Variants in C19orf44 observed in about 807,000 individuals in gnomAD.
C19orf44 encodes uncharacterized protein C19orf44.
C19orf44 carries 43 observed loss-of-function variants against 50.7 expected under a neutral mutation model. That is an observed-to-expected ratio of 0.85 (90% CI 0.66 to 1.09). The LOEUF (loss-of-function observed/expected upper bound fraction) is 1.09. Among genes scored for constraint, C19orf44 ranks in the 50% least tolerant of loss-of-function variants. The probability of loss-of-function intolerance (pLI) is 0.00; values close to 1 mark genes in which losing one functional copy is unlikely to be tolerated. For missense variants in C19orf44, 722 were observed against 836.2 expected (o/e 0.86, Z 1.68); for synonymous variants, 298 against 334.7 (o/e 0.89, Z 1.20).
rs2085600350 is a variant in C19orf44, at chr19:16,520,403, G to A, written c.*350G>A. ...GGAGTAGGAACGGGAGCAGGAGCGC[G>A]ACCTTGACCTTGAGTACGAGCCTGA... On this transcript the variant is annotated 3_prime_UTR_variant, in exon 9 of 9. Transcript: ENST00000221671. The surrounding 1 kb of genome is among the most constrained non-coding windows in gnomAD (Gnocchi z 4.0). The A allele has an allele frequency of 6.2e-7, 1 of 1,614,008 alleles. No homozygotes were observed. Among genetic ancestry groups the A allele is most frequent in the Non-Finnish European group, 8.5e-7 (1 of 1,180,032 alleles).
At chr19:16,505,614 G>A (rs191752275) in intron 3 of C19orf44, among the ~76,000 whole-genome samples, 23 of 152,314 alleles carry the variant, frequency 1.5e-4, no homozygotes, top group African/African-American at 3.8e-4. Flanking sequence ...AGCTGAGTCA[G>A]TCTGTCCCCA....
chr19:16,517,388 G>A, intron 8 of C19orf44, 47 bp downstream of exon 8: 2 of 1,344,536 alleles, frequency 1.5e-6, no homozygotes, highest in Non-Finnish European at 2.1e-6. Context: ...CACAAACATA[G>A]AGCTCATCAG....
chr19:16,504,655 A>T (rs1351685263), intron 3 of C19orf44, among the ~76,000 whole-genome samples: 1 of 151,724 alleles, frequency 6.6e-6, no homozygotes, highest in Non-Finnish European at 1.5e-5. Flanking sequence ...GCTGGGGTGC[A>T]GTGGCGTGAT....
chr19:16,512,460 G>A (rs997520429), intron 5 of C19orf44, among the ~76,000 whole-genome samples: 1 of 152,122 alleles, frequency 6.6e-6, no homozygotes, highest in South Asian at 2.1e-4. Context: ...CTCGACTGCA[G>A]CCACCGTGAG....
Position 16,519,339 on chromosome 19 carries a change from T to C in C19orf44, c.*41-755T>C, listed in dbSNP as rs749130670. 6.2e-6 allele frequency: 10 copies of C among 1,611,856 alleles called. No individual in the cohort carries two copies. Among genetic ancestry groups the C allele is most frequent in the Non-Finnish European group, 8.5e-6 (10 of 1,179,668 alleles). On this transcript the variant is annotated intron_variant, in intron 8 of 8. Transcript: ENST00000221671. This position sits in a 1 kb window ranked among gnomAD's most constrained non-coding sequence, Gnocchi z 6.0. ...CTTGCTCCTTCGCACCGAGGCCGCC[T>C]GAGCCGCTCCAGCCTGGAAACAGAG...
chr19:16,511,201 T>A, intron 5 of C19orf44, among the ~76,000 whole-genome samples: 1 of 152,032 alleles, frequency 6.6e-6, no homozygotes, highest in East Asian at 1.9e-4. Context: ...CACGCCCAGA[T>A]AATTTTTGTA....
intron 3 of C19orf44, among the ~76,000 whole-genome samples, chr19:16,505,588 C>CTATG (rs1189518461): frequency 2.0e-5 from 3 of 152,208 alleles, no homozygotes; most frequent in African/African-American, 7.2e-5. Context: ...TGGCTGCTTT[C>CTATG]ACACTATGAC....
chr19:16,514,455 G>A lies in C19orf44; in HGVS notation c.1736-42G>A, dbSNP rs367801927. 3.6e-4 allele frequency: 548 copies of A among 1,535,064 alleles called. 2 individuals carry two copies. In the African/African-American group the frequency reaches 5.0e-3, roughly 14 times the overall value. On this transcript the variant is annotated intron_variant, in intron 6 of 8. Coordinates refer to ENST00000221671, the MANE Select transcript of C19orf44 (RefSeq NM_032207.4). Reference sequence around the variant, plus strand: ...GTGGGGGGGGGGCTGCAGAATTTGTGGGGCCCCAGCGAAGCCACCGAGTAA... The same window carrying A: ...GTGGGGGGGGGGCTGCAGAATTTGTAGGGCCCCAGCGAAGCCACCGAGTAA...
Position 16,519,180 on chromosome 19 carries a change from C to T in C19orf44, c.*41-914C>T, listed in dbSNP as rs1409307956. ...GCGCCTACTTACACTCGTCCCTGGC[C>T]TTCATGCGGGCGATGAAGGAGTAGC... On this transcript the variant is annotated intron_variant, in intron 8 of 8. Transcript: ENST00000221671. This position sits in a 1 kb window ranked among gnomAD's most constrained non-coding sequence, Gnocchi z 6.0. The T allele has an allele frequency of 6.2e-7, 1 of 1,613,834 alleles. No individual in the cohort carries two copies. Among genetic ancestry groups the T allele is most frequent in the Admixed American group, 1.7e-5 (1 of 60,000 alleles).
intron 8 of C19orf44, chr19:16,518,933 C>T: frequency 1.8e-6 from 1 of 567,332 alleles, no homozygotes; most frequent in Non-Finnish European, 3.1e-6. Flanking sequence ...GCCCTGGTGG[C>T]TGCAGCGCCT....
At chr19:16,515,052 C>CT (rs1269016563) in intron 7 of C19orf44, among the ~76,000 whole-genome samples, 2 of 152,190 alleles carry the variant, frequency 1.3e-5, no homozygotes, top group African/African-American at 2.4e-5. Context: ...ACCCTCACCT[C>CT]TTTTTTTACC....
intron 3 of C19orf44, among the ~76,000 whole-genome samples, chr19:16,505,818 A>T (rs1396221456): frequency 1.3e-5 from 2 of 151,942 alleles, no homozygotes. Context: ...AGTGGCTGGG[A>T]CTACAGGCAC....
At position 16,519,111 on chromosome 19, in the gene C19orf44, C is replaced by G; in HGVS notation, c.*41-983C>G. On this transcript the variant is annotated intron_variant, in intron 8 of 8. Transcript: ENST00000221671. The surrounding 1 kb of genome is among the most constrained non-coding windows in gnomAD (Gnocchi z 6.0). ...TCCTCTGCCAGTCAGCCAGGAAGGT[C>G]CCACAGCCGGCACCGCTGGCCACCG... is the stretch of plus-strand genomic sequence containing the variant. The G allele has an allele frequency of 6.5e-7, 1 of 1,548,526 alleles. No individual in the cohort carries two copies. The highest frequency in any genetic ancestry group is 8.8e-7 in the Non-Finnish European group (1 of 1,137,342).
At chr19:16,514,437 G>GC (rs543875327) in intron 6 of C19orf44, 60 bp from the exon 7 acceptor site, 3 of 1,482,922 alleles carry the variant, frequency 2.0e-6, no homozygotes, top group South Asian at 2.6e-5. Context: ...GCGGTGGGGG[G>GC]GGGGCTGCAG....
At chr19:16,498,021 C>T (rs1221450905) in intron 1 of C19orf44, among the ~76,000 whole-genome samples, 1 of 151,994 alleles carries the variant, frequency 6.6e-6, no homozygotes, top group South Asian at 2.1e-4. Context: ...GTGGGAGGAT[C>T]GCGTGACCCC....
intron 8 of C19orf44, chr19:16,518,175 C>G (rs2085563799): frequency 6.6e-6 from 1 of 152,138 alleles, no homozygotes; most frequent in Admixed American, 6.6e-5. Context: ...CACCCACCAG[C>G]TTCTGGCAGG....
chr19:16,501,464 C>T lies in C19orf44; in HGVS notation c.672C>T (p.Ser224=), dbSNP rs763865304. The T allele has an allele frequency of 3.1e-6, 5 of 1,612,826 alleles. No homozygotes were observed. The highest frequency in any genetic ancestry group is 4.2e-6 in the Non-Finnish European group (5 of 1,179,594). ...DEEEMKVLLG[S]LMDSSREKNT... Reference sequence around the variant, plus strand: ...AAGAAATGAAAGTATTGCTAGGAAGCTTGATGGACTCTTCTAGAGAAAAAA... The same window carrying T: ...AAGAAATGAAAGTATTGCTAGGAAGTTTGATGGACTCTTCTAGAGAAAAAA... The change falls in exon 2 of 9, where the codon AGC becomes AGT. Residue 224 remains serine (S), a synonymous_variant. Coordinates refer to ENST00000221671, the MANE Select transcript of C19orf44 (RefSeq NM_032207.4).
rs1222182659 is a variant in C19orf44, at chr19:16,503,251, A to C, written c.946A>C (p.Ile316Leu). 1 of 1,614,074 alleles carries C rather than the reference A, an allele frequency of 6.2e-7. No homozygotes were observed. The highest frequency in any genetic ancestry group is 8.5e-7 in the Non-Finnish European group (1 of 1,180,022). ...DTASHTPSVS[I>L]TGAFSNSVSL... is the part of the protein sequence containing the mutation. ...CGCCTCCCACACGCCGTCAGTTTCC[A>C]TCACAGGCGCCTTTTCAAACTCAGT... Residue 316 changes from isoleucine (I) to leucine (L), a missense_variant, in exon 3 of 9, where the codon ATC becomes CTC. Ile to Leu is a conservative substitution (Grantham distance 5). Transcript: ENST00000221671.
intron 3 of C19orf44, among the ~76,000 whole-genome samples, chr19:16,506,132 C>A (rs1476880442): frequency 6.6e-6 from 1 of 151,864 alleles, no homozygotes; most frequent in Non-Finnish European, 1.5e-5. Flanking sequence ...CCCGCCACCA[C>A]GCCTGGCTAA....
Sources: gnomAD v4.1 joint callset for allele counts (sites outside exome capture counted in the v4.1 genomes callset) on GRCh38, gnomAD v4.1.1 for gene constraint, Gnocchi (gnomAD v3.1) non-coding constraint, MANE v1.5 for transcripts, NCBI Gene and HGNC (gene_info 2026-07-23, HGNC 2026-07-21) for gene names.